Variants in PLEKHG1 observed in about 807,000 individuals in gnomAD.
PLEKHG1 encodes pleckstrin homology domain-containing family G member 1.
PLEKHG1 carries 44 observed loss-of-function variants against 100.8 expected under a neutral mutation model. The observed-to-expected ratio is 0.44, with a 90% confidence interval of 0.34 to 0.56. The LOEUF is 0.56. Ranked by LOEUF, PLEKHG1 falls within the 20% of genes least tolerant of loss-of-function variation. PLEKHG1 has a pLI of 0.01. For missense variants in PLEKHG1, 1,545 were observed against 1,720.9 expected (o/e 0.90, Z 1.81); for synonymous variants, 640 against 662.5 (o/e 0.97, Z 0.52).
chr6:150,687,973 AG>A (rs1780200887), intron 3 of PLEKHG1, among the ~76,000 whole-genome samples: 1 of 152,212 alleles, frequency 6.6e-6, no homozygotes, highest in Non-Finnish European at 1.5e-5. Context: ...GCTATATTCA[AG>A]AAGAGTCCAG....
intron 15 of PLEKHG1, among the ~76,000 whole-genome samples, chr6:150,839,114 T>G (rs1001036967): frequency 6.6e-6 from 1 of 151,938 alleles, no homozygotes; most frequent in Admixed American, 6.6e-5. Flanking sequence ...CTGCTTTTTT[T>G]GTTTGTTTGT....
chr6:150,808,724 C>G (rs1254563030), intron 7 of PLEKHG1, among the ~76,000 whole-genome samples: 1 of 151,404 alleles, frequency 6.6e-6, no homozygotes, highest in Non-Finnish European at 1.5e-5. Flanking sequence ...TTCCCTCCAG[C>G]CTGGGTGACA....
chr6:150,675,091 C>T (rs796624259), intron 3 of PLEKHG1, among the ~76,000 whole-genome samples: 10 of 152,148 alleles, frequency 6.6e-5, no homozygotes, highest in African/African-American at 2.2e-4. Context: ...GTGACCTAGC[C>T]GAGAAATATT....
At chr6:150,624,916 C>T (rs185073134) in intron 1 of PLEKHG1, 6 of 152,184 alleles carry the variant, frequency 3.9e-5, no homozygotes, top group East Asian at 1.9e-4. Flanking sequence ...TTAGGCCAGG[C>T]GTGGTGGCTC....
intron 3 of PLEKHG1, among the ~76,000 whole-genome samples, chr6:150,710,959 G>A (rs1411361979): frequency 3.9e-5 from 6 of 152,110 alleles, no homozygotes; most frequent in South Asian, 2.1e-4. Context: ...ACAGTCATCA[G>A]TCACCTGTTC....
chr6:150,623,394 C>T (rs147590337), intron 1 of PLEKHG1, among the ~76,000 whole-genome samples: 68 of 152,318 alleles, frequency 4.5e-4, no homozygotes, highest in African/African-American at 1.1e-3. Context: ...ACCCTTTTAA[C>T]GGGCAAGCAC....
At chr6:150,644,097 C>T (rs1452369365) in intron 2 of PLEKHG1, among the ~76,000 whole-genome samples, 1 of 152,024 alleles carries the variant, frequency 6.6e-6, no homozygotes, top group African/African-American at 2.4e-5. Context: ...AATAAATTAC[C>T]TCCATGAATG....
At chr6:150,692,359 C>T (rs145005042) in intron 3 of PLEKHG1, among the ~76,000 whole-genome samples, 11 of 152,326 alleles carry the variant, frequency 7.2e-5, no homozygotes, top group African/African-American at 2.6e-4. Context: ...CAATACAACT[C>T]TTTTCCCAGA....
rs913367532 is a variant in PLEKHG1 at position 150,706,087 on chromosome 6, A to T, written c.-98-27497A>T. On this transcript the variant is annotated intron_variant, in intron 3 of 3. Transcript: ENST00000367326. Reference sequence around the variant, plus strand: ...CTTCACTCCTGTCCTATTATTTTCTAAAAAGGTACAACAAAACAAGTGTTT... The same window carrying T: ...CTTCACTCCTGTCCTATTATTTTCTTAAAAGGTACAACAAAACAAGTGTTT... Among the ~76,000 whole-genome samples, 6 of 152,210 alleles carry T rather than the reference A, an allele frequency of 3.9e-5. No individual in the cohort carries two copies. The East Asian group carries it at 1.2e-3, about 29-fold the overall frequency.
chr6:150,655,537 T>C (rs951218831), intron 3 of PLEKHG1, among the ~76,000 whole-genome samples: 2 of 151,696 alleles, frequency 1.3e-5, no homozygotes, highest in African/African-American at 4.8e-5. Context: ...TGAAACCCCG[T>C]CTGTACTAAA....
intron 3 of PLEKHG1, among the ~76,000 whole-genome samples, chr6:150,674,668 TCTCTCTCTCTCTCTCC>T (rs1442583150): frequency 1.8e-4 from 26 of 144,178 alleles, no homozygotes; most frequent in African/African-American, 6.8e-4. Context: ...TCTCTCTCTC[TCTCTCTCTCTCTCTCC>T]CCCCTCTTCT....
chr6:150,763,022 T>G (rs529493402), intron 2 of PLEKHG1, among the ~76,000 whole-genome samples: 1 of 88,354 alleles, frequency 1.1e-5, no homozygotes, highest in Non-Finnish European at 2.2e-5. Context: ...GGGATAAAGC[T>G]TCTTTTTTTT....
intron 3 of PLEKHG1, among the ~76,000 whole-genome samples, chr6:150,697,099 G>GAA (rs56882210): frequency 0.39 from 56,411 of 144,148 alleles, 11,140 homozygotes; most frequent in Middle Eastern, 0.44. Context: ...TCTGTCTAAA[G>GAA]AAAAAAAAAA....
chr6:150,609,376 T>G (rs1776729118), intron 1 of PLEKHG1, among the ~76,000 whole-genome samples: 1 of 152,188 alleles, frequency 6.6e-6, no homozygotes, highest in South Asian at 2.1e-4. Context: ...AGCCAAGGTT[T>G]AAATCATAAG....
intron 3 of PLEKHG1, among the ~76,000 whole-genome samples, chr6:150,773,053 G>A (rs914678024): frequency 6.6e-6 from 1 of 151,974 alleles, no homozygotes; most frequent in African/African-American, 2.4e-5. Flanking sequence ...TAGTGCGTAG[G>A]TTTTGTGTTG....
intron 3 of PLEKHG1, among the ~76,000 whole-genome samples, chr6:150,671,088 C>CATATATATATATATATATATAT (rs10566696): frequency 6.1e-5 from 9 of 147,506 alleles, no homozygotes; most frequent in African/African-American, 1.2e-4. Context: ...AGTATTCCAT[C>CATATATATATATATATATATAT]ATATATATAT....
At position 150,686,056 on chromosome 6, in the gene PLEKHG1, A is replaced by G. The variant is rs557960924; in HGVS notation, c.-99+35270A>G. Among the ~76,000 whole-genome samples the G allele has an allele frequency of 5.3e-4, 81 of 152,318 alleles. 1 individual carries two copies. The South Asian group carries it at 0.01, about 19-fold the overall frequency. ...GCTACTTGCTCCTCCCCCTGTTTCAATGCAGTCATTGGTCACTGCCCAGTG... is the reference window on the plus strand; with the variant it reads ...GCTACTTGCTCCTCCCCCTGTTTCAGTGCAGTCATTGGTCACTGCCCAGTG... On this transcript the variant is annotated intron_variant, in intron 3 of 3. Transcript: ENST00000367326.
At chr6:150,809,862 G>A (rs1583174649) in intron 10 of PLEKHG1, 128 bp downstream of exon 11, 1 of 478,066 alleles carries the variant, frequency 2.1e-6, no homozygotes, top group East Asian at 3.4e-5. Flanking sequence ...GAGTGAGACT[G>A]TCTCAAAATA....
chr6:150,814,765 G>A (rs1787759617), intron 10 of PLEKHG1, among the ~76,000 whole-genome samples: 1 of 152,190 alleles, frequency 6.6e-6, no homozygotes, highest in Non-Finnish European at 1.5e-5. Context: ...CTGGAGTGCA[G>A]TGGTGCAATC....
Sources: allele counts gnomAD v4.1 joint callset (sites outside exome capture counted in the v4.1 genomes callset), GRCh38; gene constraint gnomAD v4.1.1; transcripts MANE v1.5; gene names NCBI Gene and HGNC (gene_info 2026-07-23, HGNC 2026-07-21).